LARGE1: variants seen among roughly 807,000 people sequenced by gnomAD.
The protein encoded by LARGE1 is xylosyl- and glucuronyltransferase LARGE1.
LARGE1 carries 43 observed loss-of-function variants against 87.6 expected under a neutral mutation model. That is an observed-to-expected ratio of 0.49 (90% CI 0.38 to 0.63). The LOEUF is 0.63. Ranked by LOEUF, LARGE1 falls within the 30% of genes least tolerant of loss-of-function variation. The pLI is 0.00. For missense variants in LARGE1, 802 were observed against 1,000.2 expected (o/e 0.80, Z 2.67); for synonymous variants, 434 against 394.6 (o/e 1.10, Z -1.18).
intron 1 of LARGE1, among the ~76,000 whole-genome samples, chr22:33,828,938 C>G: frequency 6.6e-6 from 1 of 151,156 alleles, no homozygotes; most frequent in Non-Finnish European, 1.5e-5. Flanking sequence ...CAGAGGCTCG[C>G]TTTCTCACTT....
At chr22:33,195,608 C>A (rs1252735857) in intron 11 of LARGE1, among the ~76,000 whole-genome samples, 1 of 151,600 alleles carries the variant, frequency 6.6e-6, no homozygotes, top group African/African-American at 2.4e-5. Context: ...AAAAAAGAAA[C>A]CAGAAAACTG....
chr22:33,224,309 A>G (rs1925616704), intron 11 of LARGE1, among the ~76,000 whole-genome samples: 1 of 101,120 alleles, frequency 9.9e-6, no homozygotes, highest in Non-Finnish European at 1.9e-5. Context: ...AAGGTGCTCA[A>G]AAAGTGCTGG....
chr22:33,919,151 GGGAT>G (rs2065871268), intron 1 of LARGE1, among the ~76,000 whole-genome samples: 1 of 150,432 alleles, frequency 6.6e-6, no homozygotes, highest in Non-Finnish European at 1.5e-5. Context: ...GGTCACCCAA[GGGAT>G]GGATTCAGTG....
intron 9 of LARGE1, among the ~76,000 whole-genome samples, chr22:33,369,111 CA>C (rs1222384392): frequency 6.6e-6 from 1 of 152,218 alleles, no homozygotes; most frequent in African/African-American, 2.4e-5. Context: ...TTCTTACCTA[CA>C]ATAGAACTTC....
upstream of LARGE1, among the ~76,000 whole-genome samples, chr22:33,921,515 C>G (rs1314539781): frequency 3.9e-5 from 6 of 152,214 alleles, no homozygotes; most frequent in African/African-American, 1.2e-4. This position sits in a 1 kb window ranked among gnomAD's most constrained non-coding sequence, Gnocchi z 4.1. Context: ...GTCGCAGCTT[C>G]TCTCGGAGGT....
At chr22:33,112,354 G>A in the LARGE1 span, among the ~76,000 whole-genome samples, 1 of 152,212 alleles carries the variant, frequency 6.6e-6, no homozygotes, top group Non-Finnish European at 1.5e-5. Flanking sequence ...TGTTTATGGA[G>A]GACAGTAATA....
At chr22:33,164,668 A>T (rs1277927218) in exon 12 of LARGE1, 1 of 151,764 alleles carries the variant, frequency 6.6e-6, no homozygotes, top group Non-Finnish European at 1.5e-5. Flanking sequence ...CAGGCACACA[A>T]CACCACACCT....
rs1257250285 is a variant in LARGE1, at chr22:33,532,811, T to C, written c.787+32037A>G. 2.6e-5 allele frequency among the ~76,000 whole-genome samples: 4 copies of C among 152,298 alleles called. No homozygotes were observed. In the East Asian group the frequency reaches 7.7e-4, roughly 29 times the overall value. The stretch of plus-strand genomic sequence containing the variant: ...AAGAATGTGTTCATTCCTTTGTGAG[T>C]GCCAAGTAGTGTTAGGCGCAACGGC... On this transcript the variant is annotated intron_variant, in intron 6 of 14. Transcript: ENST00000397394.
intron 1 of LARGE1, among the ~76,000 whole-genome samples, chr22:33,867,517 C>G (rs1219578177): frequency 6.6e-6 from 1 of 152,166 alleles, no homozygotes; most frequent in Non-Finnish European, 1.5e-5. Flanking sequence ...TGCCTTCTAG[C>G]GCTGGTTCTA....
intron 5 of LARGE1, among the ~76,000 whole-genome samples, chr22:33,599,509 A>G (rs959119670): frequency 2.4e-4 from 37 of 152,170 alleles, no homozygotes; most frequent in African/African-American, 8.7e-4. Flanking sequence ...AAGACCAATG[A>G]GCATTTCACA....
At chr22:33,217,405 T>G (rs765433688) in intron 11 of LARGE1, among the ~76,000 whole-genome samples, 1 of 152,098 alleles carries the variant, frequency 6.6e-6, no homozygotes, top group Non-Finnish European at 1.5e-5. Context: ...TCCAGGCAAT[T>G]TTAGTGCACA....
the LARGE1 span, among the ~76,000 whole-genome samples, chr22:33,092,805 G>A: frequency 0.15 from 22,480 of 152,026 alleles, 2,149 homozygotes; most frequent in East Asian, 0.41. Flanking sequence ...ACATGATCTC[G>A]CTCCTTTTTA....
chr22:33,409,483 G>GCTTGTGTCTGT (rs1410593003), intron 7 of LARGE1, among the ~76,000 whole-genome samples: 1 of 152,134 alleles, frequency 6.6e-6, no homozygotes, highest in Non-Finnish European at 1.5e-5. Context: ...CATCCAAATG[G>GCTTGTGTCTGT]CTTGTGTCTG....
chr22:33,750,284 T>C (rs1433124389), intron 2 of LARGE1, among the ~76,000 whole-genome samples: 1 of 152,208 alleles, frequency 6.6e-6, no homozygotes, highest in Non-Finnish European at 1.5e-5. Context: ...CTCCAGCCAG[T>C]AGCTACTATG....
exon 12 of LARGE1, chr22:33,164,718 A>C (rs1180888196): frequency 6.6e-6 from 1 of 151,890 alleles, no homozygotes; most frequent in Admixed American, 6.6e-5. Flanking sequence ...AGGGTTTCAC[A>C]TGTTGGTCAG....
downstream of LARGE1, among the ~76,000 whole-genome samples, chr22:33,268,640 G>T (rs1327132443): frequency 6.6e-6 from 1 of 151,594 alleles, no homozygotes; most frequent in Non-Finnish European, 1.5e-5. Context: ...TGTTAGCCAG[G>T]ATGGTCTCGA....
Position 33,243,839 on chromosome 22 carries a change from C to G in LARGE1, c.1730+60390G>C, listed in dbSNP as rs541864410. Among the ~76,000 whole-genome samples, 3 of 152,256 alleles carry G rather than the reference C, an allele frequency of 2.0e-5. No individual in the cohort carries two copies. In the East Asian group the frequency reaches 5.8e-4, roughly 29 times the overall value. Reference sequence around the variant, plus strand: ...TTTATTCTGAAAGTAGTAAAATCAGCCAAGCATTCATTGGCGTTAGGGACT... The same window carrying G: ...TTTATTCTGAAAGTAGTAAAATCAGGCAAGCATTCATTGGCGTTAGGGACT... On this transcript the variant is annotated intron_variant, in intron 11 of 11. Coordinates refer to the LARGE1 transcript ENST00000608642.
the LARGE1 span, among the ~76,000 whole-genome samples, chr22:33,088,459 A>G: frequency 6.6e-6 from 1 of 152,154 alleles, no homozygotes; most frequent in African/African-American, 2.4e-5. Context: ...CACAGTCCAA[A>G]TGTTAGTGTT....
intron 2 of LARGE1, among the ~76,000 whole-genome samples, chr22:33,741,871 C>A (rs958307187): frequency 1.3e-5 from 2 of 152,174 alleles, no homozygotes; most frequent in Admixed American, 1.3e-4. Context: ...CATGCCCACC[C>A]TCCAGATGGA....
Sources: gnomAD v4.1 joint callset for allele counts (sites outside exome capture counted in the v4.1 genomes callset) on GRCh38, gnomAD v4.1.1 for gene constraint, Gnocchi (gnomAD v3.1) non-coding constraint, MANE v1.5 for transcripts, NCBI Gene and HGNC (gene_info 2026-07-23, HGNC 2026-07-21) for gene names.